The following DPP10 variants were observed in gnomAD, a reference collection of about 807,000 sequenced individuals.
The protein encoded by DPP10 is inactive dipeptidyl peptidase 10.
A neutral mutation model predicts 120.9 loss-of-function variants in DPP10; 33 were observed. The ratio of observed to expected loss-of-function variants is 0.27; its 90% CI spans 0.21 to 0.37. The LOEUF (loss-of-function observed/expected upper bound fraction) is 0.37, where lower values mean the gene tolerates loss of function less well. Among genes scored for constraint, DPP10 ranks in the 10% least tolerant of loss-of-function variants. The probability of loss-of-function intolerance (pLI) is 1.00; values close to 1 mark genes in which losing one functional copy is unlikely to be tolerated. For missense variants in DPP10, 816 were observed against 942.8 expected, an observed-to-expected ratio of 0.87 and a Z score of 1.76; for synonymous variants, 337 against 326.1, an observed-to-expected ratio of 1.03 and a Z score of -0.36.
At chr2:115,070,511 G>A (rs1050793702) in intron 1 of DPP10, among the ~76,000 whole-genome samples, 5 of 152,094 alleles carry the variant, frequency 3.3e-5, no homozygotes, top group Non-Finnish European at 5.9e-5. Flanking sequence ...CAATGAAAAT[G>A]CATGCTGATG....
chr2:114,683,547 C>T (rs959188864), intron 1 of DPP10, among the ~76,000 whole-genome samples: 2 of 147,722 alleles, frequency 1.4e-5, no homozygotes, highest in African/African-American at 2.5e-5. Flanking sequence ...TTCCTTCCTC[C>T]CTCTCTCTCT....
At chr2:115,663,528 C>T (rs964153048) in intron 5 of DPP10, among the ~76,000 whole-genome samples, 5 of 152,096 alleles carry the variant, frequency 3.3e-5, no homozygotes, top group East Asian at 1.9e-4. Context: ...TGTCCATAGG[C>T]GAACTGCTTA....
chr2:115,769,453 TG>T (rs1394106854), intron 13 of DPP10, among the ~76,000 whole-genome samples: 2 of 152,070 alleles, frequency 1.3e-5, no homozygotes, highest in African/African-American at 4.8e-5. Flanking sequence ...ATTTAAAACT[TG>T]TTCAGGGTCT....
chr2:115,734,620 C>T (rs964109367), intron 8 of DPP10, among the ~76,000 whole-genome samples: 1 of 137,416 alleles, frequency 7.3e-6, no homozygotes, highest in Non-Finnish European at 1.5e-5. Context: ...CATGCCACTG[C>T]ACTCCAGCCT....
At chr2:115,199,124 A>G (rs1458957963) in intron 1 of DPP10, among the ~76,000 whole-genome samples, 1 of 152,162 alleles carries the variant, frequency 6.6e-6, no homozygotes, top group African/African-American at 2.4e-5. Flanking sequence ...CTTTTATTAT[A>G]TCATTAACAA....
chr2:114,613,999 A>G lies in DPP10; in HGVS notation c.60+171161A>G, dbSNP rs1277523454. On this transcript the variant is annotated intron_variant, in intron 1 of 25. Transcript: ENST00000410059. ...GGGGGCCCAGGGGAGGGAGGGCATT[A>G]GGACAAATACCTAATGCATGTGGGG... is the stretch of plus-strand genomic sequence containing the variant. Among the ~76,000 whole-genome samples, 4 of 152,214 alleles carry G rather than the reference A, an allele frequency of 2.6e-5. No homozygotes were observed. The East Asian group carries it at 7.8e-4, about 30-fold the overall frequency.
chr2:114,881,441 A>ATCTG (rs1182634552), intron 1 of DPP10, among the ~76,000 whole-genome samples: 4 of 107,318 alleles, frequency 3.7e-5, no homozygotes, highest in East Asian at 3.1e-4. Flanking sequence ...ATCTTTACCT[A>ATCTG]TCTGTCTGTC....
chr2:114,689,959 G>A (rs543093304), intron 1 of DPP10, among the ~76,000 whole-genome samples: 3 of 151,782 alleles, frequency 2.0e-5, no homozygotes, highest in Non-Finnish European at 4.4e-5. Flanking sequence ...ATTTGTGTAA[G>A]TACCTTGTAG....
chr2:115,473,542 A>T (rs1476217731), intron 3 of DPP10, among the ~76,000 whole-genome samples: 1 of 152,112 alleles, frequency 6.6e-6, no homozygotes, highest in East Asian at 1.9e-4. Context: ...TTTTATAACA[A>T]TTATCAATAT....
At chr2:115,593,940 A>G (rs1168520613) in intron 5 of DPP10, among the ~76,000 whole-genome samples, 1 of 152,198 alleles carries the variant, frequency 6.6e-6, no homozygotes, top group Admixed American at 6.6e-5. Context: ...AGCCCAGCCA[A>G]TAACTTACCT....
chr2:115,047,847 ACTGCTTTTCAC>A (rs1322770430), intron 1 of DPP10, among the ~76,000 whole-genome samples: 3 of 152,068 alleles, frequency 2.0e-5, no homozygotes, highest in African/African-American at 7.2e-5. Flanking sequence ...TTCTTTTGAA[ACTGCTTTTCAC>A]CTGCTTATCT....
rs182170420 is a variant in DPP10, at chr2:115,000,699, C to T, written c.61-308540C>T. Among the ~76,000 whole-genome samples, 24 of 152,094 alleles carry T rather than the reference C, an allele frequency of 1.6e-4. No homozygotes were observed. In the East Asian group the frequency reaches 2.3e-3, roughly 15 times the overall value. ...ATAATAGTTCTTAAACATACAATAG[C>T]GCTATAAAACAGTATCTTTGGTGGG... On this transcript the variant is annotated intron_variant, in intron 1 of 25. Coordinates refer to ENST00000410059, the MANE Select transcript of DPP10 (RefSeq NM_020868.6).
At chr2:115,735,150 A>C (rs1353589559) in intron 8 of DPP10, among the ~76,000 whole-genome samples, 1 of 152,322 alleles carries the variant, frequency 6.6e-6, no homozygotes, top group African/African-American at 2.4e-5. Context: ...CATAGTGGTC[A>C]TACCCAAGAA....
At chr2:114,841,478 C>G (rs1264484878) in intron 1 of DPP10, among the ~76,000 whole-genome samples, 1 of 152,144 alleles carries the variant, frequency 6.6e-6, no homozygotes, top group Non-Finnish European at 1.5e-5. Flanking sequence ...CTTTAGTAGA[C>G]TAGATTCAGC....
In DPP10 at chr2:115,210,478, C is replaced by T. The variant is rs188298387; in HGVS notation, c.61-98761C>T. Among the ~76,000 whole-genome samples, 196 of 152,102 alleles carry T rather than the reference C, an allele frequency of 1.3e-3. 2 individuals carry two copies. The highest frequency in any genetic ancestry group is 1.3e-3 in the Non-Finnish European group (87 of 67,978). On this transcript the variant is annotated intron_variant, in intron 1 of 25. Coordinates refer to ENST00000410059, the MANE Select transcript of DPP10 (RefSeq NM_020868.6). ...CTATTGTGAATAGTGCCGCAATAAA[C>T]GTGTGTGCTTGTGTCTTTATAGCAG...
intron 8 of DPP10, among the ~76,000 whole-genome samples, chr2:115,739,419 G>A (rs1676980871): frequency 6.6e-6 from 1 of 151,828 alleles, no homozygotes; most frequent in South Asian, 2.1e-4. Context: ...ACATGGATAT[G>A]GTTTTAGGCC....
chr2:114,587,868 T>C (rs1691133588), intron 1 of DPP10, among the ~76,000 whole-genome samples: 1 of 152,220 alleles, frequency 6.6e-6, no homozygotes, highest in South Asian at 2.1e-4. Flanking sequence ...TGAGCAATAA[T>C]ATTTGTGAGG....
At position 114,447,153 on chromosome 2, in the gene DPP10, C is replaced by A. The variant is rs146873752; in HGVS notation, c.60+4315C>A. Among the ~76,000 whole-genome samples the A allele has an allele frequency of 3.3e-5, 5 of 151,724 alleles. No homozygotes were observed. In the South Asian group the frequency reaches 1.0e-3, roughly 32 times the overall value. On this transcript the variant is annotated intron_variant, in intron 1 of 25. Transcript: ENST00000410059. ...CTGGGACTACAGGCACCTGCCACCA[C>A]GCCTGGCTAATTTTTGTATTTTTAG...
rs574152956 is a variant in DPP10, at chr2:114,739,734, C to A, written c.60+296896C>A. ...TTCATTTACATTCTTCTGGTGGCAACGTTTAGATTTTCCTTTAGGGAACTT... is the reference window on the plus strand; with the variant it reads ...TTCATTTACATTCTTCTGGTGGCAAAGTTTAGATTTTCCTTTAGGGAACTT... On this transcript the variant is annotated intron_variant, in intron 1 of 25. Transcript: ENST00000410059. Among the ~76,000 whole-genome samples the A allele has an allele frequency of 2.1e-3, 320 of 152,232 alleles. 2 individuals are homozygous for A. Among genetic ancestry groups the A allele is most frequent in the African/African-American group, 7.0e-3 (291 of 41,552 alleles).
Sources: allele counts gnomAD v4.1 joint callset (sites outside exome capture counted in the v4.1 genomes callset), GRCh38; gene constraint gnomAD v4.1.1; transcripts MANE v1.5; gene names NCBI Gene and HGNC (gene_info 2026-07-23, HGNC 2026-07-21).